The following LIMCH1 variants were observed in gnomAD, a reference collection of about 807,000 sequenced individuals.
LIMCH1 encodes LIM and calponin homology domains 1, also known as LIM and calponin homology domains-containing protein 1.
In LIMCH1, 113 loss-of-function variants were observed where a neutral mutation model predicts 176.5. That is an observed-to-expected ratio of 0.64 (90% confidence interval 0.55 to 0.75). LIMCH1 has a LOEUF of 0.75. Ranked by LOEUF, LIMCH1 falls within the 30% of genes least tolerant of loss-of-function variation. LIMCH1 has a pLI of 0.00. For synonymous variants in LIMCH1, 619 were observed against 645.9 expected, an observed-to-expected ratio of 0.96 and a Z score of 0.63; for missense variants, 1,674 against 1,814.9, an observed-to-expected ratio of 0.92 and a Z score of 1.41.
intron 1 of LIMCH1, among the ~76,000 whole-genome samples, chr4:41,365,328 G>A (rs999128811): frequency 6.6e-6 from 1 of 152,178 alleles, no homozygotes; most frequent in African/African-American, 2.4e-5. Context: ...ACATAGAATT[G>A]TTTTCTTATT....
intron 20 of LIMCH1, 54 bp from the exon 21 acceptor site, chr4:41,666,507 G>C: frequency 9.4e-7 from 1 of 1,066,254 alleles, no homozygotes; most frequent in Non-Finnish European, 1.5e-6. Flanking sequence ...TGTCACCTGT[G>C]CATTTATCAA....
chr4:41,535,088 G>A (rs906969674), upstream of LIMCH1, among the ~76,000 whole-genome samples: 1 of 150,788 alleles, frequency 6.6e-6, no homozygotes, highest in Non-Finnish European at 1.5e-5. Flanking sequence ...CCTGGGCCTG[G>A]GAAGTCAAGC....
At chr4:41,420,053 G>A (rs972896424) in intron 1 of LIMCH1, among the ~76,000 whole-genome samples, 8 of 152,016 alleles carry the variant, frequency 5.3e-5, no homozygotes, top group Non-Finnish European at 1.2e-4. Flanking sequence ...TGTGGATGAG[G>A]GGGGCCTTCT....
intron 2 of LIMCH1, among the ~76,000 whole-genome samples, chr4:41,603,041 T>C (rs758813330): frequency 3.3e-5 from 5 of 152,210 alleles, no homozygotes; most frequent in Non-Finnish European, 5.9e-5. Context: ...CATTAATATG[T>C]ACTTTAGGTC....
chr4:41,551,519 G>A (rs1422140820), intron 1 of LIMCH1: 1 of 152,160 alleles, frequency 6.6e-6, no homozygotes, highest in Non-Finnish European at 1.5e-5. Context: ...GGCACTCCAA[G>A]GATACAAATA....
chr4:41,618,591 G>A (rs980511289), intron 5 of LIMCH1, among the ~76,000 whole-genome samples: 1 of 152,180 alleles, frequency 6.6e-6, no homozygotes, highest in African/African-American at 2.4e-5. Flanking sequence ...TCCAGCCGTG[G>A]GAACCAGGAA....
intron 1 of LIMCH1, among the ~76,000 whole-genome samples, chr4:41,419,662 T>TTCCTTCCTTCCTTCCTTCC (rs1561311699): frequency 1.5e-5 from 1 of 66,254 alleles, no homozygotes; most frequent in Non-Finnish European, 2.6e-5. Flanking sequence ...CCTTCCTTCC[T>TTCCTTCCTTCCTTCCTTCC]TCCTTCCTTC....
intron 30 of LIMCH1, among the ~76,000 whole-genome samples, chr4:41,691,592 C>CAAA (rs796984431): frequency 0.013 from 833 of 62,376 alleles, 12 homozygotes; most frequent in African/African-American, 0.04. Flanking sequence ...ACTAAAAATA[C>CAAA]AAAAAAAAAA....
At chr4:41,364,972 C>T (rs1002529756) in intron 1 of LIMCH1, among the ~76,000 whole-genome samples, 6 of 152,094 alleles carry the variant, frequency 3.9e-5, no homozygotes, top group African/African-American at 1.2e-4. Context: ...CCTGATTCCC[C>T]GCTTCTCTTG....
At chr4:41,443,029 G>T (rs1007395752) in intron 1 of LIMCH1, among the ~76,000 whole-genome samples, 3 of 152,064 alleles carry the variant, frequency 2.0e-5, no homozygotes, top group Non-Finnish European at 2.9e-5. Context: ...TCAAAGGAAA[G>T]GTCCTATCAT....
chr4:41,412,219 A>G (rs554197258), intron 1 of LIMCH1, among the ~76,000 whole-genome samples: 20 of 152,306 alleles, frequency 1.3e-4, no homozygotes, highest in Admixed American at 1.2e-3. Context: ...AAGATTTCAT[A>G]TGGCACTTGG....
At position 41,692,392 on chromosome 4, in the gene LIMCH1, CTGG is replaced by C. The variant is rs779604493; in HGVS notation, c.4378+9_4378+11del. 17 of 1,560,678 alleles carry C rather than the reference CTGG, an allele frequency of 1.1e-5. No individual in the cohort carries two copies. In the Admixed American group the frequency reaches 1.5e-4, roughly 14 times the overall value. ...GCTACATGCGATCCAGAAGTAAGTA[CTGG>C]GGAGAATGCCTCATGATGACCGAGT... On this transcript the variant is annotated intron_variant, in intron 31 of 31. Coordinates refer to ENST00000503057, the MANE Select transcript of LIMCH1 (RefSeq NM_001330672.2).
At chr4:41,402,307 A>C (rs1412801141) in intron 1 of LIMCH1, among the ~76,000 whole-genome samples, 1 of 151,906 alleles carries the variant, frequency 6.6e-6, no homozygotes, top group Non-Finnish European at 1.5e-5. Context: ...AATGGCAATC[A>C]TTAAAAAGTC....
chr4:41,605,655 C>T (rs1267607724), intron 3 of LIMCH1, among the ~76,000 whole-genome samples: 1 of 152,198 alleles, frequency 6.6e-6, no homozygotes, highest in Non-Finnish European at 1.5e-5. Context: ...CACTACCTAA[C>T]TTTCCCTAAC....
chr4:41,363,067 C>A (rs2052388536), intron 1 of LIMCH1, among the ~76,000 whole-genome samples: 1 of 152,198 alleles, frequency 6.6e-6, no homozygotes, highest in African/African-American at 2.4e-5. Flanking sequence ...GAGCTTCCCC[C>A]TCCCAGGCTA....
intron 1 of LIMCH1, among the ~76,000 whole-genome samples, chr4:41,566,857 A>G (rs2082848103): frequency 6.6e-6 from 1 of 152,228 alleles, no homozygotes; most frequent in Non-Finnish European, 1.5e-5. Context: ...GATGGGCTGA[A>G]ATGCATCAGA....
chr4:41,508,013 T>A (rs192634778), intron 2 of LIMCH1, among the ~76,000 whole-genome samples: 35 of 152,206 alleles, frequency 2.3e-4, no homozygotes, highest in Non-Finnish European at 2.9e-5. Flanking sequence ...GAAATGAAAG[T>A]TGAGAAGAAA....
At chr4:41,428,711 G>A (rs2061336549) in intron 1 of LIMCH1, among the ~76,000 whole-genome samples, 1 of 152,206 alleles carries the variant, frequency 6.6e-6, no homozygotes, top group South Asian at 2.1e-4. Flanking sequence ...TTTTAGTGGA[G>A]TGCTGTGAGC....
chr4:41,414,954 C>A (rs2059798179), intron 1 of LIMCH1, among the ~76,000 whole-genome samples: 1 of 152,084 alleles, frequency 6.6e-6, no homozygotes, highest in Admixed American at 6.6e-5. Context: ...GTCTTTCTTG[C>A]CGCTTATTAG....
Sources: allele counts gnomAD v4.1 joint callset (sites outside exome capture counted in the v4.1 genomes callset), GRCh38; gene constraint gnomAD v4.1.1; transcripts MANE v1.5; gene names NCBI Gene and HGNC (gene_info 2026-07-23, HGNC 2026-07-21).